FAM13B: variants seen among roughly 807,000 people sequenced by gnomAD.
FAM13B encodes the protein protein FAM13B.
FAM13B carries 60 observed loss-of-function variants against 117.3 expected under a neutral mutation model. The observed-to-expected ratio is 0.51, with a 90% CI of 0.42 to 0.63. The LOEUF is 0.63. Among genes scored for constraint, FAM13B ranks in the 30% least tolerant of loss-of-function variants. The probability of loss-of-function intolerance (pLI) is 0.00; values close to 1 mark genes in which losing one functional copy is unlikely to be tolerated. For synonymous variants in FAM13B, 332 were observed against 356.1 expected (o/e 0.93, Z 0.76); for missense variants, 972 against 1,091.9 (o/e 0.89, Z 1.55).
intron 7 of FAM13B, among the ~76,000 whole-genome samples, chr5:137,993,892 A>C (rs1779245811): frequency 6.6e-6 from 1 of 152,208 alleles, no homozygotes; most frequent in African/African-American, 2.4e-5. Context: ...CCAAGAGTCT[A>C]CATTTTTAAC....
intron 13 of FAM13B, 122 bp downstream of exon 13, chr5:137,959,494 G>T: frequency 9.9e-7 from 1 of 1,009,220 alleles, no homozygotes; most frequent in Non-Finnish European, 1.5e-6. Context: ...TACATGAAAG[G>T]GAGAACAGAA....
chr5:137,975,980 C>CTTTGTTTTTTTTTT (rs1773826367), intron 10 of FAM13B, among the ~76,000 whole-genome samples: 1 of 110,206 alleles, frequency 9.1e-6, no homozygotes. Context: ...TCAACTCTTC[C>CTTTGTTTTTTTTTT]TTTTTTTTTT....
At chr5:137,952,891 C>T (rs1025264232) in intron 16 of FAM13B, among the ~76,000 whole-genome samples, 182 bp from the exon 17 acceptor site, 4 of 152,162 alleles carry the variant, frequency 2.6e-5, no homozygotes, top group African/African-American at 9.7e-5. Flanking sequence ...TCGTAACTGG[C>T]AGAAGCCAGA....
At position 137,959,751 on chromosome 5, in the gene FAM13B, T is replaced by C; in HGVS notation, c.1306A>G (p.Lys436Glu). The change falls in exon 13 of 24, where the codon AAG becomes GAG. Residue 436 changes from lysine to glutamate, a missense_variant. Physicochemically the swap from Lys to Glu is moderately conservative, Grantham distance 56. Coordinates refer to ENST00000689681, the MANE Select transcript of FAM13B (RefSeq NM_001385994.1). The part of the protein sequence containing the change: ...LSHLILDSSS[K>E]ICDLNANTES... Reference sequence around the variant, plus strand: ...GTGTTGGCATTCAAATCACATATCTTGCTACTAGAATCCTGTATTTTAAAA... The same window carrying C: ...GTGTTGGCATTCAAATCACATATCTCGCTACTAGAATCCTGTATTTTAAAA... The C allele has an allele frequency of 6.2e-7, 1 of 1,613,724 alleles. No homozygotes were observed. The highest frequency in any genetic ancestry group is 1.1e-5 in the South Asian group (1 of 91,014).
At chr5:138,033,556 C>CT (rs1355939390), upstream of FAM13B, among the ~76,000 whole-genome samples, 2 of 152,190 alleles carry the variant, frequency 1.3e-5, no homozygotes, top group African/African-American at 2.4e-5. Context: ...CCCACCCTAC[C>CT]CCTTCACCTC....
chr5:137,952,771 G>T (rs1765411588), intron 16 of FAM13B, 62 bp from the exon 17 acceptor site: 17 of 962,708 alleles, frequency 1.8e-5, no homozygotes, highest in Non-Finnish European at 2.2e-5. Context: ...ATTAATTTAT[G>T]TCCAAATAGT....
chr5:138,009,919 CTG>C (rs1239593210), intron 6 of FAM13B, among the ~76,000 whole-genome samples: 4 of 151,082 alleles, frequency 2.6e-5, no homozygotes, highest in South Asian at 4.2e-4. Context: ...GCTTTTAAAA[CTG>C]AGAATAAAAA....
chr5:137,981,681 G>A (rs1775795959), intron 10 of FAM13B, among the ~76,000 whole-genome samples: 1 of 152,066 alleles, frequency 6.6e-6, no homozygotes, highest in South Asian at 2.1e-4. Context: ...AGCTACCTGG[G>A]AGGCTGAGGC....
At position 137,960,209 on chromosome 5, in the gene FAM13B, T is replaced by C; in HGVS notation, c.1250A>G (p.Glu417Gly). ...TTTATCACTGTCAAATAACAAATAT[T>C]CTTCCCTAAAAATACAAGTAAAGTT... ...DSEDGCLERE[E>G]YLLFDSDKLS... The change falls in exon 12 of 24, where the codon GAA (glutamate) becomes GGA (glycine). Residue 417 changes from glutamate (E) to glycine (G), a missense_variant. Coordinates refer to ENST00000689681, the MANE Select transcript of FAM13B (RefSeq NM_001385994.1). 1 of 1,508,702 alleles carries C rather than the reference T, an allele frequency of 6.6e-7. No homozygotes were observed. The highest frequency in any genetic ancestry group is 9.1e-7 in the Non-Finnish European group (1 of 1,099,672). The allele number at this position is 1,508,702 out of a possible 1,614,324, so 93.5% of individuals were successfully genotyped here.
upstream of FAM13B, among the ~76,000 whole-genome samples, chr5:138,033,529 C>T (rs1561554334): frequency 6.6e-6 from 1 of 152,182 alleles, no homozygotes; most frequent in Non-Finnish European, 1.5e-5. Context: ...CGGGGCTGCA[C>T]CTGCGTCCTG....
At chr5:138,013,778 A>C (rs1415741378) in intron 4 of FAM13B, among the ~76,000 whole-genome samples, 1 of 152,192 alleles carries the variant, frequency 6.6e-6, no homozygotes, top group Non-Finnish European at 1.5e-5. Flanking sequence ...CAAGCACTTA[A>C]TATTATCAAT....
intron 2 of FAM13B, among the ~76,000 whole-genome samples, chr5:138,019,347 G>C (rs1281942130): frequency 6.6e-6 from 1 of 152,226 alleles, no homozygotes; most frequent in Non-Finnish European, 1.5e-5. Context: ...AGTTAGTGCT[G>C]AATGCTCCCT....
chr5:138,021,630 C>CT (rs1166576058), intron 1 of FAM13B, among the ~76,000 whole-genome samples: 2 of 152,144 alleles, frequency 1.3e-5, no homozygotes, highest in East Asian at 3.9e-4. Context: ...GTACTTTCTT[C>CT]TTTTTTTTGT....
chr5:138,010,979 A>AAC (rs772219786), intron 6 of FAM13B, 29 bp downstream of exon 6: 15 of 1,470,714 alleles, frequency 1.0e-5, no homozygotes, highest in African/African-American at 1.5e-5. Context: ...AAAAAAAAAA[A>AAC]ATTATCCCTC....
chr5:137,995,902 ACTGCCCAACATTT>A (rs1358229959), intron 7 of FAM13B, among the ~76,000 whole-genome samples: 2 of 152,190 alleles, frequency 1.3e-5, no homozygotes, highest in African/African-American at 4.8e-5. Context: ...TCTACTTGTT[ACTGCCCAACATTT>A]CTGGTACTTC....
chr5:138,035,652 A>G (rs1581323564), upstream of FAM13B, among the ~76,000 whole-genome samples: 1 of 152,148 alleles, frequency 6.6e-6, no homozygotes, highest in Admixed American at 6.5e-5. Context: ...TTGAGTCACA[A>G]AGAGTGAAAT....
At chr5:137,993,078 A>G (rs1383589424) in intron 7 of FAM13B, among the ~76,000 whole-genome samples, 4 of 152,238 alleles carry the variant, frequency 2.6e-5, no homozygotes, top group Admixed American at 2.6e-4. Flanking sequence ...ATCACCGTTC[A>G]GTGAAAGAAA....
At chr5:137,945,875 C>T in intron 20 of FAM13B, 27 bp downstream of exon 20, 1 of 1,528,428 alleles carries the variant, frequency 6.5e-7, no homozygotes, top group African/African-American at 1.4e-5. Flanking sequence ...TAAAATGAAC[C>T]AGAGAATTAT....
chr5:137,976,386 C>T (rs1774003187), intron 10 of FAM13B, among the ~76,000 whole-genome samples: 1 of 152,112 alleles, frequency 6.6e-6, no homozygotes. Context: ...CTTTCTTTAC[C>T]AATAATTTCT....
Sources: allele counts gnomAD v4.1 joint callset (sites outside exome capture counted in the v4.1 genomes callset), GRCh38; gene constraint gnomAD v4.1.1; transcripts MANE v1.5; gene names NCBI Gene and HGNC (gene_info 2026-07-23, HGNC 2026-07-21).